ARHGAP15: variants seen among roughly 807,000 people sequenced by gnomAD.
ARHGAP15 encodes the protein rho GTPase-activating protein 15.
ARHGAP15 carries 51 observed loss-of-function variants against 63.7 expected under a neutral mutation model. That is an observed-to-expected ratio of 0.80 (90% CI 0.64 to 1.01). The LOEUF (loss-of-function observed/expected upper bound fraction) is 1.01. Ranked by LOEUF, ARHGAP15 falls within the 50% of genes least tolerant of loss-of-function variation. ARHGAP15 has a pLI of 0.00. For synonymous variants in ARHGAP15, 191 were observed against 193.8 expected, an observed-to-expected ratio of 0.99 and a Z score of 0.12; for missense variants, 560 against 564.6, an observed-to-expected ratio of 0.99 and a Z score of 0.08.
chr2:143,406,664 C>T (rs1319660381), intron 6 of ARHGAP15, among the ~76,000 whole-genome samples: 2 of 151,792 alleles, frequency 1.3e-5, no homozygotes, highest in African/African-American at 4.8e-5. Flanking sequence ...ATTTTATTTT[C>T]TCACATAAAA....
intron 6 of ARHGAP15, among the ~76,000 whole-genome samples, chr2:143,376,371 C>T (rs1408733748): frequency 6.6e-6 from 1 of 152,074 alleles, no homozygotes; most frequent in Non-Finnish European, 1.5e-5. Context: ...AAAATATTTC[C>T]TGAACAATGT....
intron 13 of ARHGAP15, among the ~76,000 whole-genome samples, chr2:143,733,630 C>T (rs1405542745): frequency 3.3e-5 from 5 of 152,134 alleles, no homozygotes; most frequent in Non-Finnish European, 7.3e-5. Flanking sequence ...TTTCCCAACT[C>T]GTGTTGTAAG....
intron 6 of ARHGAP15, among the ~76,000 whole-genome samples, chr2:143,330,341 C>T (rs1684491884): frequency 6.6e-6 from 1 of 151,570 alleles, no homozygotes; most frequent in Non-Finnish European, 1.5e-5. Context: ...TTTAACTATC[C>T]TAACATTTTC....
At chr2:143,421,521 T>C (rs1010604025) in intron 6 of ARHGAP15, among the ~76,000 whole-genome samples, 2 of 151,768 alleles carry the variant, frequency 1.3e-5, no homozygotes, top group African/African-American at 4.8e-5. Context: ...GGCATGAAGA[T>C]CACATCTTCA....
At chr2:143,639,596 G>A (rs139062876) in intron 12 of ARHGAP15, among the ~76,000 whole-genome samples, 4 of 152,092 alleles carry the variant, frequency 2.6e-5, no homozygotes, top group African/African-American at 9.7e-5. Flanking sequence ...AATGCTTAAA[G>A]GTAGAAAGAA....
chr2:143,625,360 C>A (rs939449239), intron 12 of ARHGAP15, among the ~76,000 whole-genome samples: 2 of 152,244 alleles, frequency 1.3e-5, no homozygotes, highest in South Asian at 4.2e-4. Context: ...AAGCCTTCAC[C>A]CTTGTTTAAA....
intron 6 of ARHGAP15, among the ~76,000 whole-genome samples, chr2:143,425,609 C>T (rs1037199910): frequency 1.3e-5 from 2 of 151,984 alleles, no homozygotes; most frequent in African/African-American, 4.8e-5. Flanking sequence ...TTTGAGTAAA[C>T]AGTTAGGAAT....
Position 143,272,828 on chromosome 2 carries a change from A to G in ARHGAP15, c.474+22228A>G, listed in dbSNP as rs1245302197. Among the ~76,000 whole-genome samples, 3 of 152,174 alleles carry G rather than the reference A, an allele frequency of 2.0e-5. No homozygotes were observed. In the East Asian group the frequency reaches 5.8e-4, roughly 29 times the overall value. On this transcript the variant is annotated intron_variant, in intron 6 of 13. Transcript: ENST00000295095. ...TTTTCATGTGGTTTTCAGTAGAAAA[A>G]TATTAATCAAATAGGTACTTGACCA...
At chr2:143,333,495 C>T (rs922563279) in intron 6 of ARHGAP15, among the ~76,000 whole-genome samples, 6 of 152,112 alleles carry the variant, frequency 3.9e-5, no homozygotes, top group Non-Finnish European at 5.9e-5. Flanking sequence ...ATGAAGAAAA[C>T]GGCTTTTGGA....
At chr2:143,267,180 T>G (rs1681041461) in intron 6 of ARHGAP15, among the ~76,000 whole-genome samples, 1 of 152,200 alleles carries the variant, frequency 6.6e-6, no homozygotes, top group African/African-American at 2.4e-5. Flanking sequence ...CCACAGTCCC[T>G]ACACAACTAA....
intron 9 of ARHGAP15, among the ~76,000 whole-genome samples, chr2:143,491,532 G>C (rs1692580014): frequency 6.6e-6 from 1 of 152,314 alleles, no homozygotes. Flanking sequence ...ACTGAAATTA[G>C]TATCATATTA....
At chr2:143,760,225 T>G (rs1429068512) in intron 13 of ARHGAP15, among the ~76,000 whole-genome samples, 1 of 152,162 alleles carries the variant, frequency 6.6e-6, no homozygotes, top group Non-Finnish European at 1.5e-5. Context: ...AAATTTTCTC[T>G]AATAGAATGC....
intron 6 of ARHGAP15, among the ~76,000 whole-genome samples, chr2:143,286,660 C>CTA (rs1195634981): frequency 6.6e-6 from 1 of 152,046 alleles, no homozygotes; most frequent in Admixed American, 6.6e-5. Context: ...ATCTCAGTAA[C>CTA]TATACAGGAA....
chr2:143,478,878 T>C (rs1386175512), intron 8 of ARHGAP15, among the ~76,000 whole-genome samples: 4 of 152,226 alleles, frequency 2.6e-5, no homozygotes, highest in Non-Finnish European at 5.9e-5. Flanking sequence ...TGTATGTTTT[T>C]CTGTCCTGGC....
At chr2:143,503,188 C>T (rs749518381) in intron 9 of ARHGAP15, among the ~76,000 whole-genome samples, 10 of 152,200 alleles carry the variant, frequency 6.6e-5, no homozygotes, top group Non-Finnish European at 1.5e-4. Flanking sequence ...AGAGATACTA[C>T]AGCACAATAA....
At chr2:143,684,358 G>T (rs1683231959) in intron 12 of ARHGAP15, among the ~76,000 whole-genome samples, 1 of 152,142 alleles carries the variant, frequency 6.6e-6, no homozygotes, top group Admixed American at 6.6e-5. Context: ...GGGGTTAAGG[G>T]TGTTTCTGCT....
chr2:143,152,661 A>G (rs1056472089), intron 1 of ARHGAP15, among the ~76,000 whole-genome samples: 3 of 152,038 alleles, frequency 2.0e-5, no homozygotes, highest in Non-Finnish European at 4.4e-5. Context: ...ATTTTTCTCT[A>G]TCTTCCCAGA....
Position 143,183,931 on chromosome 2 carries a change from A to C in ARHGAP15, c.166-18203A>C, listed in dbSNP as rs561401593. The stretch of plus-strand genomic sequence containing the variant: ...GCAAACCAGAATTTTCTCTGCTGTG[A>C]TTGCCCTTGCTCTTGAGAGCTCGTT... On this transcript the variant is annotated intron_variant, in intron 2 of 13. Coordinates refer to ENST00000295095, the MANE Select transcript of ARHGAP15 (RefSeq NM_018460.4). Among the ~76,000 whole-genome samples, 25 of 152,214 alleles carry C rather than the reference A, an allele frequency of 1.6e-4. 1 individual carries two copies. The South Asian group carries it at 5.2e-3, about 32-fold the overall frequency.
intron 11 of ARHGAP15, among the ~76,000 whole-genome samples, chr2:143,621,226 A>G (rs1698636656): frequency 6.6e-6 from 1 of 152,198 alleles, no homozygotes; most frequent in Non-Finnish European, 1.5e-5. Flanking sequence ...TCCAGCCCCA[A>G]ATGTCAATAG....
Sources: gnomAD v4.1 joint callset for allele counts (sites outside exome capture counted in the v4.1 genomes callset) on GRCh38, gnomAD v4.1.1 for gene constraint, MANE v1.5 for transcripts, NCBI Gene and HGNC (gene_info 2026-07-23, HGNC 2026-07-21) for gene names.